The following HOMER2 variants were observed in gnomAD, a reference collection of about 807,000 sequenced individuals.
HOMER2 encodes the protein homer protein homolog 2.
HOMER2 carries 27 observed loss-of-function variants against 47.0 expected under a neutral mutation model. That is an observed-to-expected ratio of 0.57 (90% CI 0.42 to 0.79). HOMER2 has a LOEUF of 0.79. HOMER2 is among the 30% of genes least tolerant of loss of function. The probability of loss-of-function intolerance (pLI) is 0.00; values close to 1 mark genes in which losing one functional copy is unlikely to be tolerated. For synonymous variants in HOMER2, 161 were observed against 163.8 expected, an observed-to-expected ratio of 0.98 and a Z score of 0.13; for missense variants, 443 against 435.0, an observed-to-expected ratio of 1.02 and a Z score of -0.16.
At chr15:82,914,950 G>A (rs1287148687) in intron 1 of HOMER2, among the ~76,000 whole-genome samples, 3 of 152,042 alleles carry the variant, frequency 2.0e-5, no homozygotes, top group South Asian at 4.2e-4. Flanking sequence ...TTGGGAAGCC[G>A]AAGTGGGAGG....
chr15:82,890,657 G>A (rs1005629644), intron 2 of HOMER2, among the ~76,000 whole-genome samples: 5 of 152,314 alleles, frequency 3.3e-5, no homozygotes, highest in Admixed American at 1.3e-4. Flanking sequence ...ACACTTTGAC[G>A]AATTACTAAA....
intron 1 of HOMER2, among the ~76,000 whole-genome samples, chr15:82,922,398 G>C (rs980682270): frequency 6.6e-6 from 1 of 152,164 alleles, no homozygotes; most frequent in African/African-American, 2.4e-5. Context: ...CAGCCCAAGA[G>C]AACCTTTTTA....
intron 1 of HOMER2, among the ~76,000 whole-genome samples, chr15:82,895,852 C>T (rs1265422682): frequency 5.3e-5 from 8 of 152,342 alleles, no homozygotes; most frequent in African/African-American, 1.9e-4. Flanking sequence ...ATCCTAGCCC[C>T]CCTTGAACCT....
At chr15:82,932,216 C>T (rs530164634) in intron 1 of HOMER2, among the ~76,000 whole-genome samples, 13 of 152,264 alleles carry the variant, frequency 8.5e-5, no homozygotes, top group Admixed American at 5.9e-4. Context: ...GGAAGAGGGC[C>T]GGGCGTGGTG....
intron 1 of HOMER2, among the ~76,000 whole-genome samples, chr15:82,935,028 T>C (rs2054111512): frequency 6.6e-6 from 1 of 152,136 alleles, no homozygotes; most frequent in Admixed American, 6.5e-5. Flanking sequence ...CCTCCTTCCC[T>C]GGGGCTCTGA....
At chr15:82,873,001 G>A (rs1462360328) in intron 3 of HOMER2, among the ~76,000 whole-genome samples, 3 of 152,212 alleles carry the variant, frequency 2.0e-5, no homozygotes, top group Non-Finnish European at 4.4e-5. Flanking sequence ...GGTGGCAGGA[G>A]GGGCTGTTCT....
intron 1 of HOMER2, among the ~76,000 whole-genome samples, chr15:82,914,629 G>A (rs1230050063): frequency 6.6e-6 from 1 of 152,140 alleles, no homozygotes; most frequent in Non-Finnish European, 1.5e-5. Context: ...TCTGGAAATG[G>A]AGAGTAGTGA....
At chr15:82,927,013 T>G (rs1013032656) in intron 1 of HOMER2, among the ~76,000 whole-genome samples, 3 of 152,198 alleles carry the variant, frequency 2.0e-5, no homozygotes, top group African/African-American at 7.2e-5. Flanking sequence ...CTAATCCCTT[T>G]AATGAGGGCT....
At chr15:82,865,739 A>G (rs561538579) in intron 3 of HOMER2, among the ~76,000 whole-genome samples, 36 of 152,342 alleles carry the variant, frequency 2.4e-4, no homozygotes, top group Admixed American at 1.6e-3. Context: ...AGGAGGGGCC[A>G]AGGGACAGCT....
intron 1 of HOMER2, among the ~76,000 whole-genome samples, chr15:82,938,928 T>C (rs888970741): frequency 1.3e-5 from 2 of 152,184 alleles, no homozygotes; most frequent in African/African-American, 4.8e-5. Flanking sequence ...CTGAGTCTCA[T>C]CACCTCTCAG....
At chr15:82,921,645 A>G (rs1596356362) in intron 1 of HOMER2, among the ~76,000 whole-genome samples, 1 of 152,068 alleles carries the variant, frequency 6.6e-6, no homozygotes, top group African/African-American at 2.4e-5. Context: ...GAGACCTCCA[A>G]TTAAAGCCCC....
intron 1 of HOMER2, among the ~76,000 whole-genome samples, chr15:82,932,695 G>A (rs1232574763): frequency 6.6e-6 from 1 of 152,006 alleles, no homozygotes; most frequent in East Asian, 1.9e-4. Context: ...CTCCACAAGG[G>A]CTTCATCACT....
Position 82,923,274 on chromosome 15 carries a change from T to A in HOMER2, c.5+29257A>T, listed in dbSNP as rs1156784630. On this transcript the variant is annotated intron_variant, in intron 1 of 8. Transcript: ENST00000450735. ...GCTGAGGCAGGGGCATCACCTGACGTCAGGAGTTCGAGACGAGCCTGGCCA... is the reference window on the plus strand; with the variant it reads ...GCTGAGGCAGGGGCATCACCTGACGACAGGAGTTCGAGACGAGCCTGGCCA... Among the ~76,000 whole-genome samples, 3 of 151,912 alleles carry A rather than the reference T, an allele frequency of 2.0e-5. No individual in the cohort carries two copies. The East Asian group carries it at 5.8e-4, about 29-fold the overall frequency.
At chr15:82,834,999 C>T (rs922227858), downstream of HOMER2, 2 of 152,198 alleles carry the variant, frequency 1.3e-5, no homozygotes, top group Non-Finnish European at 2.9e-5. Flanking sequence ...AGACTGCGAG[C>T]ATCCCTACTA....
At chr15:82,981,510 GT>G (rs1205514629) in intron 1 of HOMER2, among the ~76,000 whole-genome samples, 1 of 152,148 alleles carries the variant, frequency 6.6e-6, no homozygotes, top group African/African-American at 2.4e-5. Context: ...CCACTTCTGG[GT>G]ATGCACCCAA....
intron 1 of HOMER2, among the ~76,000 whole-genome samples, chr15:82,937,335 T>C (rs970606313): frequency 5.9e-5 from 9 of 152,188 alleles, no homozygotes; most frequent in Non-Finnish European, 1.5e-5. Flanking sequence ...GATTTTGTTA[T>C]GGTTTGGTTT....
chr15:82,866,532 A>C (rs1567022126), intron 3 of HOMER2, among the ~76,000 whole-genome samples: 1 of 152,154 alleles, frequency 6.6e-6, no homozygotes, highest in Non-Finnish European at 1.5e-5. Flanking sequence ...TGATGACATG[A>C]GATTTGGGAG....
intron 1 of HOMER2, among the ~76,000 whole-genome samples, chr15:82,967,882 A>T (rs996454937): frequency 6.6e-6 from 1 of 152,044 alleles, no homozygotes; most frequent in Admixed American, 6.6e-5. Context: ...GTCTCAGGAA[A>T]AAAAAAACCA....
chr15:82,866,091 G>A lies in HOMER2; in HGVS notation c.295-1832C>T, dbSNP rs75698765. Among the ~76,000 whole-genome samples, 872 of 152,262 alleles carry A rather than the reference G, an allele frequency of 5.7e-3. 19 individuals carry two copies. The highest frequency in any genetic ancestry group is 0.042 in the Admixed American group (639 of 15,288). ...AGTTTGCACCGTGTGCCTGGGTAAA[G>A]CCACAGACATTCAATGCCGGCCCGT... On this transcript the variant is annotated intron_variant, in intron 3 of 8. Coordinates refer to ENST00000450735, the MANE Select transcript of HOMER2 (RefSeq NM_004839.4).
Sources: allele counts gnomAD v4.1 joint callset (sites outside exome capture counted in the v4.1 genomes callset), GRCh38; gene constraint gnomAD v4.1.1; transcripts MANE v1.5; gene names NCBI Gene and HGNC (gene_info 2026-07-23, HGNC 2026-07-21).